Variants in PGM5 observed in about 807,000 individuals in gnomAD.
PGM5 encodes the protein phosphoglucomutase 5.
PGM5 carries 23 observed loss-of-function variants against 59.2 expected under a neutral mutation model. The observed-to-expected ratio is 0.39, with a 90% CI of 0.28 to 0.55. The LOEUF (loss-of-function observed/expected upper bound fraction) is 0.55. PGM5 is among the 20% of genes least tolerant of loss of function. The pLI, the probability that PGM5 is intolerant of heterozygous loss-of-function variation, is 0.66. For missense variants in PGM5, 574 were observed against 748.3 expected (o/e 0.77, Z 2.72); for synonymous variants, 214 against 286.0 (o/e 0.75, Z 2.54).
At chr9:68,521,041 A>T (rs1824893643) in intron 10 of PGM5, among the ~76,000 whole-genome samples, 1 of 152,224 alleles carries the variant, frequency 6.6e-6, no homozygotes, top group South Asian at 2.1e-4. Context: ...CCCTCAGTAT[A>T]AGGGCAGTCT....
intron 6 of PGM5, among the ~76,000 whole-genome samples, chr9:68,442,735 A>G (rs1823548650): frequency 6.6e-6 from 1 of 152,260 alleles, no homozygotes; most frequent in South Asian, 2.1e-4. Flanking sequence ...AATTAAAATT[A>G]TATAAAATGT....
At chr9:68,490,504 G>A (rs1224859771) in intron 9 of PGM5, among the ~76,000 whole-genome samples, 4 of 152,214 alleles carry the variant, frequency 2.6e-5, no homozygotes, top group South Asian at 4.1e-4. Flanking sequence ...ACAGGCATGC[G>A]CCACCATACC....
Position 68,425,878 on chromosome 9 carries a change from A to C in PGM5, c.1043+33405A>C, listed in dbSNP as rs532294129. Among the ~76,000 whole-genome samples the C allele has an allele frequency of 1.1e-3, 168 of 152,262 alleles. 1 individual carries two copies. The highest frequency in any genetic ancestry group is 2.5e-3 in the Admixed American group (38 of 15,290). On this transcript the variant is annotated intron_variant, in intron 6 of 10. Transcript: ENST00000396396. ...GTTTTCTATAATTTAAATGGAAATAAATTTGTATCGAAAGTACACTAGATT... is the reference window on the plus strand; with the variant it reads ...GTTTTCTATAATTTAAATGGAAATACATTTGTATCGAAAGTACACTAGATT...
chr9:68,499,559 C>T (rs1334040532), intron 10 of PGM5, among the ~76,000 whole-genome samples, 198 bp downstream of exon 10: 3 of 152,324 alleles, frequency 2.0e-5, no homozygotes, highest in African/African-American at 7.2e-5. Context: ...TGCTCTCTCG[C>T]ATCTATTTGT....
At chr9:68,401,957 G>C (rs1272129417) in intron 6 of PGM5, among the ~76,000 whole-genome samples, 1 of 151,614 alleles carries the variant, frequency 6.6e-6, no homozygotes, top group Non-Finnish European at 1.5e-5. Context: ...TCATGAAACT[G>C]TACACTTAGA....
intron 1 of PGM5, among the ~76,000 whole-genome samples, chr9:68,366,465 G>T (rs1163028159): frequency 6.6e-6 from 1 of 152,092 alleles, no homozygotes; most frequent in Non-Finnish European, 1.5e-5. Context: ...CTGCTTTTCT[G>T]TATATAATGT....
intron 10 of PGM5, among the ~76,000 whole-genome samples, chr9:68,514,739 C>A (rs1463944367): frequency 6.6e-5 from 10 of 152,212 alleles, no homozygotes; most frequent in Admixed American, 6.5e-4. Flanking sequence ...CCACACCAGA[C>A]AAACCCTCTA....
chr9:68,436,858 A>C (rs1554683399), intron 6 of PGM5, among the ~76,000 whole-genome samples: 3 of 152,236 alleles, frequency 2.0e-5, no homozygotes, highest in African/African-American at 7.2e-5. Context: ...TCTGACTCCA[A>C]GGTCCAAGCT....
rs1260434357 is a variant in PGM5 at position 68,530,658 on chromosome 9, G to A, written c.*1002G>A. The stretch of plus-strand genomic sequence containing the variant: ...AAAGTAGGAAATGAAGTGGAAGCTG[G>A]AAGAAAATGTAATTGGTGGTACAGC... On this transcript the variant is annotated 3_prime_UTR_variant, in exon 11 of 11. Transcript: ENST00000396396. 6 of 152,252 alleles carry A rather than the reference G, an allele frequency of 3.9e-5. No individual in the cohort carries two copies. Among genetic ancestry groups the A allele is most frequent in the African/African-American group, 1.4e-4 (6 of 41,450 alleles). 9.4% of individuals were successfully genotyped at this position (152,252 alleles called of 1,614,324 possible). A position where few individuals can be genotyped will look rare whatever the true frequency, so the allele number is the denominator to read the frequency against.
rs1554675755 is a variant in PGM5 at position 68,357,094 on chromosome 9, C to T, written c.-34C>T. ...GGCAGGCTGCAGATTCCCTCCGGCT[C>T]CGGGAGCCGCAGCAGGACCGGCCAG... is the stretch of plus-strand genomic sequence containing the variant. On this transcript the variant is annotated 5_prime_UTR_variant, in exon 1 of 11. Coordinates refer to ENST00000396396, the MANE Select transcript of PGM5 (RefSeq NM_021965.4). The T allele has an allele frequency of 2.1e-6, 3 of 1,450,738 alleles. No individual in the cohort carries two copies. The African/African-American group carries it at 4.4e-5, about 21-fold the overall frequency. The allele number at this position is 1,450,738 out of a possible 1,614,324, so 89.9% of individuals were successfully genotyped here. A position where few individuals can be genotyped will look rare whatever the true frequency, so the allele number is the denominator to read the frequency against.
chr9:68,504,157 G>C (rs1459090986), intron 10 of PGM5, among the ~76,000 whole-genome samples: 1 of 152,182 alleles, frequency 6.6e-6, no homozygotes, highest in Admixed American at 6.5e-5. Flanking sequence ...CTGTCTTCTA[G>C]ACTTCTATTT....
At chr9:68,505,267 C>T (rs1237553398) in intron 10 of PGM5, among the ~76,000 whole-genome samples, 2 of 152,152 alleles carry the variant, frequency 1.3e-5, no homozygotes, top group African/African-American at 2.4e-5. Context: ...CCAAGGCTAC[C>T]TCTGGAGCCT....
intron 9 of PGM5, chr9:68,498,136 C>T (rs1271928016): frequency 6.6e-6 from 1 of 152,186 alleles, no homozygotes; most frequent in Non-Finnish European, 1.5e-5. Context: ...CATGCCTCCC[C>T]CTTTTGGTTC....
chr9:68,386,172 A>C (rs2778526), intron 3 of PGM5, among the ~76,000 whole-genome samples: 1,801 of 151,980 alleles, frequency 0.012, 26 homozygotes, highest in African/African-American at 0.041. Flanking sequence ...ACATTATCCT[A>C]TAATGTAGAG....
intron 1 of PGM5, among the ~76,000 whole-genome samples, chr9:68,360,764 A>G (rs1186603683): frequency 6.6e-6 from 1 of 152,194 alleles, no homozygotes; most frequent in Non-Finnish European, 1.5e-5. Flanking sequence ...ATTAAAGAAA[A>G]TGATATTTTA....
At chr9:68,486,360 T>C (rs868989718) in intron 9 of PGM5, among the ~76,000 whole-genome samples, 1 of 152,184 alleles carries the variant, frequency 6.6e-6, no homozygotes, top group African/African-American at 2.4e-5. Flanking sequence ...TGTGCAGTTA[T>C]CACCACAACC....
intron 6 of PGM5, among the ~76,000 whole-genome samples, chr9:68,432,498 A>G (rs1381237571): frequency 6.6e-6 from 1 of 151,728 alleles, no homozygotes; most frequent in Non-Finnish European, 1.5e-5. Flanking sequence ...ATTGTGCCTG[A>G]CCATGTTTTA....
intron 6 of PGM5, among the ~76,000 whole-genome samples, chr9:68,421,608 T>C (rs1214180944): frequency 6.6e-6 from 1 of 151,876 alleles, no homozygotes; most frequent in Non-Finnish European, 1.5e-5. Context: ...TCCCAGCTAT[T>C]CGGGAGGCTG....
chr9:68,382,222 A>G (rs1822096570), intron 2 of PGM5, among the ~76,000 whole-genome samples: 1 of 150,954 alleles, frequency 6.6e-6, no homozygotes, highest in South Asian at 2.1e-4. Context: ...ATCAAGGCAT[A>G]TATAGTCAAG....
Sources: allele counts gnomAD v4.1 joint callset (sites outside exome capture counted in the v4.1 genomes callset), GRCh38; gene constraint gnomAD v4.1.1; transcripts MANE v1.5; gene names NCBI Gene and HGNC (gene_info 2026-07-23, HGNC 2026-07-21).